Variants in DGKK observed in about 807,000 individuals in gnomAD.
DGKK encodes diacylglycerol kinase kappa.
Under a neutral mutation model 92.2 loss-of-function variants are expected in DGKK, and 35 were observed. That is an observed-to-expected ratio of 0.38 (90% CI 0.29 to 0.50). The LOEUF (loss-of-function observed/expected upper bound fraction) is 0.50. Among genes scored for constraint, DGKK ranks in the 20% least tolerant of loss-of-function variants. The pLI, the probability that DGKK is intolerant of heterozygous loss-of-function variation, is 0.92. For synonymous variants in DGKK, 368 were observed against 360.6 expected (o/e 1.02, Z -0.23); for missense variants, 910 against 992.2 (o/e 0.92, Z 1.11).
chrX:50,442,813 T>C (rs1926200413), intron 1 of DGKK, among the ~76,000 whole-genome samples: 1 of 110,862 alleles, frequency 9.0e-6, no homozygotes, highest in Admixed American at 9.6e-5. Flanking sequence ...ATCAAAAGCT[T>C]GGCTGTGGAA....
chrX:50,375,964 C>T (rs1402409535), intron 24 of DGKK, 60 bp downstream of exon 24: 2 of 1,149,188 alleles, frequency 1.7e-6, no homozygotes, highest in East Asian at 3.0e-5. Context: ...ACTTCTTTCC[C>T]TTTCATCCTC....
chrX:50,372,463 A>C (rs1036889882), intron 25 of DGKK, among the ~76,000 whole-genome samples: 1 of 111,711 alleles, frequency 9.0e-6, no homozygotes, highest in Non-Finnish European at 1.9e-5. Flanking sequence ...CTGTAATTTA[A>C]AGGTTGTTTT....
chrX:50,413,918 C>T (rs1291913067), intron 4 of DGKK, among the ~76,000 whole-genome samples: 8 of 111,922 alleles, frequency 7.1e-5, no homozygotes, highest in Admixed American at 1.9e-4. Flanking sequence ...CCAAGTTCAT[C>T]GCAGCATTAT....
Position 50,422,433 on chromosome X carries a change from CAATCTTACTT to C in DGKK, c.837+3_837+12del. ...CTACCCCTGCCCATTCAGTCATTCC[CAATCTTACTT>C]ACACAAAAACTGTGGCAAAGGTTTC... On this transcript the variant is annotated splice_donor_5th_base_variant and intron_variant, in intron 3 of 27. Coordinates refer to ENST00000611977, the MANE Select transcript of DGKK (RefSeq NM_001013742.4). 2 of 1,187,879 alleles carry C rather than the reference CAATCTTACTT, an allele frequency of 1.7e-6. No homozygotes were observed. The highest frequency in any genetic ancestry group is 2.3e-6 in the Non-Finnish European group (2 of 880,014).
At chrX:50,397,976 G>A (rs1205061168) in intron 8 of DGKK, among the ~76,000 whole-genome samples, 2 of 111,279 alleles carry the variant, frequency 1.8e-5, no homozygotes, top group Non-Finnish European at 3.8e-5. Flanking sequence ...GTCAAACAGA[G>A]AAGACAATGT....
Position 50,449,096 on chromosome X carries a change from C to T in DGKK, c.645+20938G>A, listed in dbSNP as rs782719763. On this transcript the variant is annotated intron_variant, in intron 1 of 27. Coordinates refer to ENST00000611977, the MANE Select transcript of DGKK (RefSeq NM_001013742.4). ...CAGTTTCCTTCTTTGTTGAGATCAC[C>T]ACTACATTGCAGGAAGATCAAGCTC... 3.6e-5 allele frequency among the ~76,000 whole-genome samples: 4 copies of T among 111,423 alleles called. 1 individual carries two copies. In the South Asian group the frequency reaches 1.5e-3, roughly 43 times the overall value.
intron 1 of DGKK, among the ~76,000 whole-genome samples, chrX:50,453,158 G>A (rs1248799698): frequency 9.0e-6 from 1 of 111,376 alleles, no homozygotes; most frequent in Admixed American, 9.6e-5. Flanking sequence ...ACTTTGTTTA[G>A]AGGAACCTAG....
Position 50,375,009 on chromosome X carries a change from G to C in DGKK, c.3463C>G (p.Leu1155Val), listed in dbSNP as rs1557223661. Residue 1155 changes from leucine to valine, a missense_variant, in exon 25 of 28, where the codon CTC becomes GTC. Transcript: ENST00000611977. ...AGGAAAGCTGTGGTGTCATCGTAGA[G>C]ACCTTTAAGACTAAATGTAACATCT... ...AVDVTFSLKG[L>V]YDDTTAFLDE... The C allele has an allele frequency of 8.3e-7, 1 of 1,209,281 alleles. No individual in the cohort carries two copies. Among genetic ancestry groups the C allele is most frequent in the Admixed American group, 2.2e-5 (1 of 45,905 alleles).
intron 9 of DGKK, 76 bp downstream of exon 9, chrX:50,393,076 A>G: frequency 1.2e-6 from 1 of 854,846 alleles, no homozygotes; most frequent in Non-Finnish European, 1.6e-6. Context: ...GATTCCAAGA[A>G]GCCTGTTTTA....
At chrX:50,429,462 G>A (rs1037322416) in intron 1 of DGKK, among the ~76,000 whole-genome samples, 1 of 111,877 alleles carries the variant, frequency 8.9e-6, no homozygotes, top group Non-Finnish European at 1.9e-5. Flanking sequence ...GAGGCGGGCG[G>A]ATCACGAGGT....
chrX:50,405,527 GGAGAGA>G (rs781903574), intron 4 of DGKK, among the ~76,000 whole-genome samples: 13 of 100,967 alleles, frequency 1.3e-4, no homozygotes, highest in South Asian at 9.2e-4. Flanking sequence ...GACAGTGGGG[GGAGAGA>G]GAGAGAGAGA....
At chrX:50,449,187 G>T (rs1375772748) in intron 1 of DGKK, among the ~76,000 whole-genome samples, 1 of 111,242 alleles carries the variant, frequency 9.0e-6, no homozygotes, top group African/African-American at 3.3e-5. Flanking sequence ...TGCCCTTTAG[G>T]GTGGCAGCCC....
intron 1 of DGKK, among the ~76,000 whole-genome samples, chrX:50,453,302 C>A (rs1926535065): frequency 9.0e-6 from 1 of 111,515 alleles, no homozygotes; most frequent in African/African-American, 3.3e-5. Flanking sequence ...TTTCCTTTAG[C>A]TTTGGTTTTC....
At chrX:50,464,954 C>A (rs73499718) in intron 1 of DGKK, among the ~76,000 whole-genome samples, 8,775 of 110,882 alleles carry the variant, frequency 0.079, 833 homozygotes, top group African/African-American at 0.27. Flanking sequence ...ATATTGCTTC[C>A]CTCATTTCCT....
At chrX:50,392,273 T>C in intron 10 of DGKK, 68 bp downstream of exon 10, 2 of 854,522 alleles carry the variant, frequency 2.3e-6, no homozygotes, top group Non-Finnish European at 3.4e-6. Context: ...TTGGGACTTC[T>C]TGGGATGGGC....
intron 8 of DGKK, among the ~76,000 whole-genome samples, chrX:50,395,135 G>A (rs1924812445): frequency 9.0e-6 from 1 of 111,282 alleles, no homozygotes; most frequent in African/African-American, 3.3e-5. Context: ...GTTCAGCATG[G>A]ACTTGAGACG....
At chrX:50,394,032 G>C (rs191695140) in intron 8 of DGKK, among the ~76,000 whole-genome samples, 88 of 112,237 alleles carry the variant, frequency 7.8e-4, no homozygotes, top group African/African-American at 2.5e-3. Flanking sequence ...TAGAGAAGTA[G>C]GGTTATAGCA....
intron 1 of DGKK, among the ~76,000 whole-genome samples, chrX:50,462,634 A>G (rs1557233474): frequency 9.2e-6 from 1 of 108,382 alleles, no homozygotes; most frequent in African/African-American, 3.3e-5. Flanking sequence ...TTCTTTAAAA[A>G]TCTCCAGGGG....
At chrX:50,452,739 C>A (rs1926524868) in intron 1 of DGKK, among the ~76,000 whole-genome samples, 1 of 112,072 alleles carries the variant, frequency 8.9e-6, no homozygotes, top group African/African-American at 3.2e-5. Flanking sequence ...TTTAAAATAC[C>A]TTTGAGCCTA....
Sources: gnomAD v4.1 joint callset for allele counts (sites outside exome capture counted in the v4.1 genomes callset) on GRCh38, gnomAD v4.1.1 for gene constraint, MANE v1.5 for transcripts, NCBI Gene and HGNC (gene_info 2026-07-23, HGNC 2026-07-21) for gene names.